GANC: variants seen among roughly 807,000 people sequenced by gnomAD.
The protein encoded by GANC is glucosidase alpha, neutral C.
In GANC, 117 loss-of-function variants were observed where a neutral mutation model predicts 124.2. The observed-to-expected ratio is 0.94, with a 90% CI of 0.81 to 1.10. The LOEUF (loss-of-function observed/expected upper bound fraction) is 1.10. GANC is among the 50% of genes least tolerant of loss of function. The pLI, the probability that GANC is intolerant of heterozygous loss-of-function variation, is 0.00. For missense variants in GANC, 1,140 were observed against 1,095.0 expected, an observed-to-expected ratio of 1.04 and a Z score of -0.58; for synonymous variants, 377 against 376.8, an observed-to-expected ratio of 1.00 and a Z score of -0.01.
At chr15:42,298,650 T>C (rs2051915008) in intron 6 of GANC, among the ~76,000 whole-genome samples, 1 of 152,248 alleles carries the variant, frequency 6.6e-6, no homozygotes, top group African/African-American at 2.4e-5. Flanking sequence ...ATCACATGTA[T>C]CTTCAAAAGA....
intron 15 of GANC, among the ~76,000 whole-genome samples, chr15:42,331,727 C>A (rs1231962079): frequency 6.6e-6 from 1 of 152,072 alleles, no homozygotes; most frequent in African/African-American, 2.4e-5. Context: ...AAATACATAA[C>A]AATAAGGGAA....
At chr15:42,312,960 A>G (rs2141047836) in intron 10 of GANC, among the ~76,000 whole-genome samples, 1 of 149,138 alleles carries the variant, frequency 6.7e-6, no homozygotes, top group Non-Finnish European at 1.5e-5. Context: ...AAAAAAAAGA[A>G]CATGCTACTG....
At position 42,352,955 on chromosome 15, in the gene GANC, CA is replaced by C. The variant is rs148559490; in HGVS notation, c.*823del. 43,072 of 575,476 alleles carry C rather than the reference CA, an allele frequency of 0.075. 1,848 individuals carry two copies. The highest frequency in any genetic ancestry group is 0.16 in the South Asian group (2,039 of 12,818). 35.6% of individuals were successfully genotyped at this position (575,476 alleles called of 1,614,324 possible). A position where few individuals can be genotyped will look rare whatever the true frequency, so the allele number is the denominator to read the frequency against. Reference sequence around the variant, plus strand: ...CTTGGGCACAAAATGTAAGGGATGCCAAAAAAATACAGTAATCAAAGTAAGT... The same window carrying C: ...CTTGGGCACAAAATGTAAGGGATGCCAAAAAATACAGTAATCAAAGTAAGT... On this transcript the variant is annotated 3_prime_UTR_variant, in exon 24 of 24. Coordinates refer to ENST00000318010, the MANE Select transcript of GANC (RefSeq NM_198141.3).
chr15:42,306,557 A>C lies in GANC; in HGVS notation c.570A>C (p.Glu190Asp), dbSNP rs1317407941. ...TTTTGTACCAACAGGAAAATCAAGA[A>C]GATCTGGGCCTGTGGGAAGAGAAAT... ...TSVDTSQENQ[E>D]DLGLWEEKFG... Residue 190 changes from glutamate to aspartate, a missense_variant, in exon 7 of 24, where the codon GAA becomes GAC. Glu to Asp is a conservative substitution (Grantham distance 45, BLOSUM62 2). Coordinates refer to ENST00000318010, the MANE Select transcript of GANC (RefSeq NM_198141.3). 6.2e-7 allele frequency: 1 copy of C among 1,609,918 alleles called. No individual in the cohort carries two copies. Among genetic ancestry groups the C allele is most frequent in the Non-Finnish European group, 8.5e-7 (1 of 1,178,932 alleles).
intron 6 of GANC, among the ~76,000 whole-genome samples, chr15:42,299,271 G>T (rs1439420444): frequency 2.0e-5 from 3 of 152,332 alleles, no homozygotes; most frequent in Non-Finnish European, 2.9e-5. Context: ...TTTTTAACAT[G>T]AAGGATGTTG....
chr15:42,282,093 C>A (rs887396097), intron 3 of GANC, among the ~76,000 whole-genome samples: 1 of 152,106 alleles, frequency 6.6e-6, no homozygotes, highest in Non-Finnish European at 1.5e-5. Flanking sequence ...TAGGCCGAGG[C>A]GGGCAGATCA....
At chr15:42,330,770 CTTTTTT>C (rs71108160) in intron 15 of GANC, 98 bp downstream of exon 15, 334 of 360,228 alleles carry the variant, frequency 9.3e-4, no homozygotes, top group Middle Eastern at 1.6e-3. Flanking sequence ...CTTCCTTTTC[CTTTTTT>C]TTTTTTTTTT....
intron 5 of GANC, among the ~76,000 whole-genome samples, chr15:42,295,593 G>C (rs887527112): frequency 6.7e-6 from 1 of 150,266 alleles, no homozygotes; most frequent in Non-Finnish European, 1.5e-5. Context: ...TTTAAGCTTT[G>C]ATTCTACTCA....
chr15:42,340,067 G>C lies in GANC; in HGVS notation c.2087+155G>C, dbSNP rs115680623. On this transcript the variant is annotated intron_variant, in intron 17 of 23. Transcript: ENST00000318010. ...TTCAATAAGCTTATTGAGCAGCGCG[G>C]TGAACAGGGTGCTGGCTGTTGGGGA... Among the ~76,000 whole-genome samples the C allele has an allele frequency of 8.0e-3, 1,225 of 152,316 alleles. 14 individuals are homozygous for C. Among genetic ancestry groups the C allele is most frequent in the African/African-American group, 0.028 (1,171 of 41,562 alleles).
intron 10 of GANC, among the ~76,000 whole-genome samples, chr15:42,318,816 T>G (rs1242823687): frequency 2.0e-5 from 3 of 152,142 alleles, no homozygotes; most frequent in African/African-American, 7.2e-5. Flanking sequence ...TTTAAAACCC[T>G]AGGCTCAAGG....
intron 16 of GANC, among the ~76,000 whole-genome samples, chr15:42,338,720 AGGG>A (rs1482340736): frequency 1.3e-5 from 2 of 152,198 alleles, no homozygotes; most frequent in Non-Finnish European, 2.9e-5. Flanking sequence ...GTTGTCAGAA[AGGG>A]AGCCAGAGCC....
chr15:42,339,630 A>C (rs757551822), intron 16 of GANC, 39 bp from the exon 17 acceptor site: 1 of 1,600,726 alleles, frequency 6.2e-7, no homozygotes, highest in East Asian at 2.2e-5. Context: ...TCATTTATCC[A>C]AAGCTTGGTT....
chr15:42,274,906 A>C (rs911462152), intron 1 of GANC, among the ~76,000 whole-genome samples: 4 of 152,146 alleles, frequency 2.6e-5, no homozygotes, highest in Non-Finnish European at 5.9e-5. Flanking sequence ...TCCAAAAAAA[A>C]AGGATGGTTA....
chr15:42,345,944 C>T, intron 20 of GANC, 112 bp downstream of exon 20: 1 of 734,956 alleles, frequency 1.4e-6, no homozygotes, highest in Non-Finnish European at 2.3e-6. Context: ...AACTTATTTT[C>T]TCGAAGTTTT....
At chr15:42,277,380 A>G (rs1045022414) in intron 2 of GANC, among the ~76,000 whole-genome samples, 1 of 151,802 alleles carries the variant, frequency 6.6e-6, no homozygotes, top group African/African-American at 2.4e-5. Flanking sequence ...AAAATACAAA[A>G]TTAGCCAGGC....
At chr15:42,285,055 A>T (rs1442265638) in intron 3 of GANC, among the ~76,000 whole-genome samples, 2 of 152,204 alleles carry the variant, frequency 1.3e-5, no homozygotes, top group Admixed American at 1.3e-4. Context: ...TTGATAGTTT[A>T]TTTGTATATT....
intron 3 of GANC, among the ~76,000 whole-genome samples, chr15:42,281,805 T>C (rs940412314): frequency 3.3e-5 from 5 of 152,182 alleles, no homozygotes; most frequent in Admixed American, 3.3e-4. Flanking sequence ...TTCAGGATAG[T>C]AGAAAATAAT....
At chr15:42,277,529 T>TAA (rs76243637) in intron 2 of GANC, among the ~76,000 whole-genome samples, 1 of 139,688 alleles carries the variant, frequency 7.2e-6, no homozygotes, top group African/African-American at 2.6e-5. Flanking sequence ...AAACTCCGTC[T>TAA]AAAAAAAAAA....
intron 20 of GANC, among the ~76,000 whole-genome samples, chr15:42,347,759 A>T (rs753238101): frequency 6.6e-6 from 1 of 152,210 alleles, no homozygotes; most frequent in Non-Finnish European, 1.5e-5. Context: ...TACTACACTG[A>T]TAGGAAAATT....
Sources: allele counts gnomAD v4.1 joint callset (sites outside exome capture counted in the v4.1 genomes callset), GRCh38; gene constraint gnomAD v4.1.1; transcripts MANE v1.5; gene names NCBI Gene and HGNC (gene_info 2026-07-23, HGNC 2026-07-21).